Variants in CCDC38 observed in about 807,000 individuals in gnomAD.
CCDC38 encodes the protein coiled-coil domain-containing protein 38.
Under a neutral mutation model 72.8 loss-of-function variants are expected in CCDC38, and 69 were observed. The ratio of observed to expected loss-of-function variants is 0.95; its 90% confidence interval spans 0.78 to 1.16. The LOEUF is 1.16. Among genes scored for constraint, CCDC38 ranks in the 50% most tolerant of loss-of-function variants. The pLI is 0.00. For synonymous variants in CCDC38, 201 were observed against 213.2 expected (o/e 0.94, Z 0.50); for missense variants, 626 against 638.9 (o/e 0.98, Z 0.22).
intron 2 of CCDC38, among the ~76,000 whole-genome samples, chr12:95,921,270 G>A (rs2080204636): frequency 6.6e-6 from 1 of 151,994 alleles, no homozygotes. Flanking sequence ...CTAACTCTTG[G>A]GATGTGGCAG....
In CCDC38 at chr12:95,876,059, C is replaced by T. The variant is rs147919254; in HGVS notation, c.1278+2152G>A. ...TGGAAACCACTCAAGTGTCCATCAACAGATGAATGAATAAACAATATATGG... is the reference window on the plus strand; with the variant it reads ...TGGAAACCACTCAAGTGTCCATCAATAGATGAATGAATAAACAATATATGG... On this transcript the variant is annotated intron_variant, in intron 13 of 15. Coordinates refer to ENST00000344280, the MANE Select transcript of CCDC38 (RefSeq NM_182496.3). Among the ~76,000 whole-genome samples, 792 of 152,218 alleles carry T rather than the reference C, an allele frequency of 5.2e-3. 5 individuals carry two copies. The highest frequency in any genetic ancestry group is 0.018 in the African/African-American group (732 of 41,520).
intron 4 of CCDC38, among the ~76,000 whole-genome samples, chr12:95,911,410 G>T (rs560545123): frequency 6.6e-6 from 1 of 152,206 alleles, no homozygotes; most frequent in South Asian, 2.1e-4. Flanking sequence ...CTTCTGCGCA[G>T]CAAAAAACAC....
chr12:95,882,169 A>G (rs1389660656), intron 10 of CCDC38, among the ~76,000 whole-genome samples: 1 of 152,220 alleles, frequency 6.6e-6, no homozygotes, highest in East Asian at 1.9e-4. Flanking sequence ...GCAATATTAA[A>G]GAAGCAGGGA....
chr12:95,891,546 C>T (rs2121458451), intron 8 of CCDC38, among the ~76,000 whole-genome samples: 1 of 152,224 alleles, frequency 6.6e-6, no homozygotes, highest in South Asian at 2.1e-4. Flanking sequence ...TGGGGTTTCA[C>T]CATGTTGCCC....
At chr12:95,926,503 T>C (rs368197399) in intron 2 of CCDC38, among the ~76,000 whole-genome samples, 10,119 of 150,854 alleles carry the variant, frequency 0.067, 451 homozygotes, top group Non-Finnish European at 0.1. Context: ...CTCCTGGATT[T>C]ATTAATTTTT....
intron 4 of CCDC38, among the ~76,000 whole-genome samples, chr12:95,916,878 T>C (rs534959996): frequency 6.6e-6 from 1 of 152,294 alleles, no homozygotes; most frequent in East Asian, 1.9e-4. Flanking sequence ...CAAACTTTAA[T>C]ACTACATTCT....
At chr12:95,873,084 AC>A (rs2079599028) in intron 13 of CCDC38, among the ~76,000 whole-genome samples, 1 of 152,240 alleles carries the variant, frequency 6.6e-6, no homozygotes, top group African/African-American at 2.4e-5. Flanking sequence ...AATACAGGCA[AC>A]AAACATTTTA....
At chr12:95,930,171 C>G (rs1237201647) in intron 2 of CCDC38, among the ~76,000 whole-genome samples, 2 of 152,146 alleles carry the variant, frequency 1.3e-5, no homozygotes, top group East Asian at 3.9e-4. Context: ...ACCAAATTTC[C>G]TATATTATAA....
intron 2 of CCDC38, among the ~76,000 whole-genome samples, chr12:95,929,708 C>T (rs960079540): frequency 1.3e-5 from 2 of 152,208 alleles, no homozygotes; most frequent in Non-Finnish European, 2.9e-5. Flanking sequence ...TAGAAGAAAA[C>T]TAAATTTCTG....
intron 4 of CCDC38, among the ~76,000 whole-genome samples, chr12:95,915,259 C>T (rs1214103940): frequency 6.6e-6 from 1 of 152,170 alleles, no homozygotes; most frequent in East Asian, 1.9e-4. Flanking sequence ...ATAAAGCCCT[C>T]CCAAAGCATT....
chr12:95,928,344 T>G (rs910803475), intron 2 of CCDC38, among the ~76,000 whole-genome samples: 2 of 152,222 alleles, frequency 1.3e-5, no homozygotes, highest in Non-Finnish European at 2.9e-5. Context: ...CTCCTGAGGC[T>G]TCTGCATTCT....
At chr12:95,885,124 C>T (rs942436942) in intron 10 of CCDC38, 2 of 152,488 alleles carry the variant, frequency 1.3e-5, no homozygotes, top group African/African-American at 2.4e-5. Flanking sequence ...CTAATAGCTA[C>T]AGGCCATTTC....
At position 95,890,879 on chromosome 12, in the gene CCDC38, C is replaced by T. The variant is rs1364299102; in HGVS notation, c.824G>A (p.Arg275Lys). The change falls in exon 9 of 16, where the codon AGG becomes AAG. Residue 275 changes from arginine (R) to lysine (K), a missense_variant. Transcript: ENST00000344280. ...AGCATCTTCTGAAAGGACAGCTGTCCTCCCGGACTCCTCAAGGATGCCTTC... is the reference window on the plus strand; with the variant it reads ...AGCATCTTCTGAAAGGACAGCTGTCTTCCCGGACTCCTCAAGGATGCCTTC... Reference protein sequence around the residue: ...NKEGILEESGRTAVLSEDASQ... With the variant: ...NKEGILEESGKTAVLSEDASQ... 1 of 1,607,278 alleles carries T rather than the reference C, an allele frequency of 6.2e-7. No individual in the cohort carries two copies. Among genetic ancestry groups the T allele is most frequent in the Non-Finnish European group, 8.5e-7 (1 of 1,175,518 alleles).
intron 2 of CCDC38, chr12:95,933,767 A>G (rs1361273287): frequency 2.6e-5 from 4 of 152,250 alleles, no homozygotes; most frequent in African/African-American, 9.6e-5. Context: ...TAAGCTGAAA[A>G]CAACCCAAAT....
chr12:95,902,071 T>C (rs183791289), intron 5 of CCDC38, among the ~76,000 whole-genome samples: 1 of 152,144 alleles, frequency 6.6e-6, no homozygotes, highest in Non-Finnish European at 1.5e-5. Flanking sequence ...AGAGGGTTTT[T>C]GGGGTGGGGT....
At position 95,917,190 on chromosome 12, in the gene CCDC38, C is replaced by A; in HGVS notation, c.243G>T (p.Arg81Ser). The A allele has an allele frequency of 6.2e-7, 1 of 1,608,500 alleles. No individual in the cohort carries two copies. The highest frequency in any genetic ancestry group is 8.5e-7 in the Non-Finnish European group (1 of 1,178,946). ...YLSQLAFYPK[R>S]SGRSFEKFGP... ...CAAACTTTTCAAATGACCTACCACT[C>A]CTTTTAGGGTAGAAAGCTAGTTGGC... Residue 81 changes from arginine to serine, a missense_variant, in exon 4 of 16, where the codon AGG becomes AGT. By Grantham distance (110) the Arg-to-Ser change is moderately radical. Transcript: ENST00000344280.
intron 1 of CCDC38, among the ~76,000 whole-genome samples, chr12:95,938,159 C>G (rs1230099141): frequency 6.6e-6 from 1 of 152,126 alleles, no homozygotes; most frequent in East Asian, 1.9e-4. Context: ...TGAATAAAAA[C>G]TATAACATTG....
chr12:95,870,013 G>T (rs912255705), intron 14 of CCDC38, among the ~76,000 whole-genome samples: 5 of 151,924 alleles, frequency 3.3e-5, no homozygotes, highest in African/African-American at 7.3e-5. Context: ...TAGTAGAGAC[G>T]GGGTGTCACC....
chr12:95,877,439 G>C (rs1218498121), intron 13 of CCDC38, among the ~76,000 whole-genome samples: 1 of 152,214 alleles, frequency 6.6e-6, no homozygotes, highest in African/African-American at 2.4e-5. Context: ...TCTGCATCTC[G>C]TTATTGGGCC....
Sources: allele counts gnomAD v4.1 joint callset (sites outside exome capture counted in the v4.1 genomes callset), GRCh38; gene constraint gnomAD v4.1.1; transcripts MANE v1.5; gene names NCBI Gene and HGNC (gene_info 2026-07-23, HGNC 2026-07-21).